CACNA2D3: variants seen among roughly 807,000 people sequenced by gnomAD.
CACNA2D3 encodes voltage-dependent calcium channel subunit alpha-2/delta-3.
CACNA2D3 carries 60 observed loss-of-function variants against 160.6 expected under a neutral mutation model. That is an observed-to-expected ratio of 0.37 (90% CI 0.30 to 0.46). The LOEUF (loss-of-function observed/expected upper bound fraction) is 0.46, where lower values mean the gene tolerates loss of function less well. Among genes scored for constraint, CACNA2D3 ranks in the 20% least tolerant of loss-of-function variants. The pLI, the probability that CACNA2D3 is intolerant of heterozygous loss-of-function variation, is 1.00. For missense variants in CACNA2D3, 1,205 were observed against 1,365.0 expected, an observed-to-expected ratio of 0.88 and a Z score of 1.85; for synonymous variants, 558 against 492.9, an observed-to-expected ratio of 1.13 and a Z score of -1.75.
chr3:54,812,704 A>G (rs1703350194), intron 13 of CACNA2D3, among the ~76,000 whole-genome samples: 1 of 152,106 alleles, frequency 6.6e-6, no homozygotes, highest in Non-Finnish European at 1.5e-5. Flanking sequence ...TTGTGCTGCT[A>G]TTGTGTGGTC....
At chr3:54,978,866 T>G (rs933677766) in intron 29 of CACNA2D3, among the ~76,000 whole-genome samples, 12 of 152,374 alleles carry the variant, frequency 7.9e-5, no homozygotes, top group African/African-American at 2.9e-4. Flanking sequence ...AGACTAGAAC[T>G]TAATAACAGG....
chr3:54,289,736 C>T (rs1455281865), intron 2 of CACNA2D3, among the ~76,000 whole-genome samples: 5 of 152,058 alleles, frequency 3.3e-5, no homozygotes, highest in African/African-American at 4.8e-5. Flanking sequence ...CAGAACAGAG[C>T]CCTCAGAAAT....
intron 4 of CACNA2D3, among the ~76,000 whole-genome samples, chr3:54,478,637 A>AT (rs1485632930): frequency 1.2e-3 from 11 of 9,158 alleles, no homozygotes; most frequent in Admixed American, 7.9e-3. Context: ...GTCTCAAAAA[A>AT]ATATATATAT....
intron 14 of CACNA2D3, among the ~76,000 whole-genome samples, chr3:54,826,723 TTAATTA>T (rs1175077184): frequency 6.6e-6 from 1 of 152,164 alleles, no homozygotes; most frequent in Non-Finnish European, 1.5e-5. Flanking sequence ...ATGATCATAA[TTAATTA>T]TAATTAACCA....
intron 11 of CACNA2D3, among the ~76,000 whole-genome samples, chr3:54,677,929 G>A (rs1018017220): frequency 5.9e-5 from 9 of 152,108 alleles, no homozygotes; most frequent in African/African-American, 2.2e-4. Flanking sequence ...GTTACCTTTA[G>A]AGTCCTGAGG....
At chr3:54,383,497 T>G (rs985201776) in intron 3 of CACNA2D3, among the ~76,000 whole-genome samples, 67 of 152,230 alleles carry the variant, frequency 4.4e-4, no homozygotes, top group African/African-American at 1.6e-3. Context: ...GCTGGTTGAT[T>G]GTCATTTCTT....
chr3:54,957,233 C>T (rs1278094645), intron 27 of CACNA2D3, among the ~76,000 whole-genome samples: 1 of 151,516 alleles, frequency 6.6e-6, no homozygotes, highest in Non-Finnish European at 1.5e-5. Context: ...AATCATAGCT[C>T]AATGCAGCCT....
At chr3:54,595,319 T>TGTGTGG (rs1364570785) in intron 9 of CACNA2D3, among the ~76,000 whole-genome samples, 7,842 of 129,096 alleles carry the variant, frequency 0.061, 713 homozygotes, top group African/African-American at 0.21. Context: ...GTGTGGTGTG[T>TGTGTGG]GTGTGTGTGT....
At chr3:54,263,140 G>T (rs1702435526) in intron 2 of CACNA2D3, among the ~76,000 whole-genome samples, 1 of 152,062 alleles carries the variant, frequency 6.6e-6, no homozygotes, top group South Asian at 2.1e-4. Context: ...ATCTATTATT[G>T]TGCAACTTGC....
chr3:54,489,652 T>C (rs894880036), intron 4 of CACNA2D3, among the ~76,000 whole-genome samples: 7 of 152,330 alleles, frequency 4.6e-5, no homozygotes, highest in Admixed American at 1.3e-4. Context: ...CTCAGTGTGC[T>C]GGAGTTAAAC....
intron 5 of CACNA2D3, among the ~76,000 whole-genome samples, chr3:54,554,919 G>A (rs1294827689): frequency 8.0e-6 from 1 of 125,782 alleles, no homozygotes; most frequent in Non-Finnish European, 1.6e-5. Flanking sequence ...CTGTCACCCA[G>A]TCTGGAGTCC....
At chr3:55,020,706 C>T (rs1037874009) in intron 35 of CACNA2D3, among the ~76,000 whole-genome samples, 3 of 151,822 alleles carry the variant, frequency 2.0e-5, no homozygotes, top group Admixed American at 6.6e-5. Context: ...CAAAAATTAG[C>T]CAGGCATGGT....
Position 54,660,661 on chromosome 3 carries a change from T to A in CACNA2D3, c.1167+18420T>A, listed in dbSNP as rs922436964. Among the ~76,000 whole-genome samples, 5 of 152,268 alleles carry A rather than the reference T, an allele frequency of 3.3e-5. No homozygotes were observed. In the East Asian group the frequency reaches 9.7e-4, roughly 30 times the overall value. On this transcript the variant is annotated intron_variant, in intron 11 of 37. Coordinates refer to ENST00000474759, the MANE Select transcript of CACNA2D3 (RefSeq NM_018398.3). ...AACAGATTATCTGCCCTACTTACCT[T>A]ACCTTAATCATTTCCATAAAAATAT...
In CACNA2D3 at chr3:54,780,552, T is replaced by C. The variant is rs116136503; in HGVS notation, c.1380+16201T>C. 8.1e-3 allele frequency among the ~76,000 whole-genome samples: 1,241 copies of C among 152,300 alleles called. 18 individuals are homozygous for C. The highest frequency in any genetic ancestry group is 0.028 in the African/African-American group (1,150 of 41,568). The stretch of plus-strand genomic sequence containing the variant: ...TGATTTAGGTGAACTCCAGAGAAAT[T>C]TGATACTGGGAGAGGCCAGGAAAAA... On this transcript the variant is annotated intron_variant, in intron 13 of 37. Coordinates refer to ENST00000474759, the MANE Select transcript of CACNA2D3 (RefSeq NM_018398.3).
intron 9 of CACNA2D3, among the ~76,000 whole-genome samples, chr3:54,592,173 C>G (rs1184171435): frequency 2.0e-5 from 3 of 152,160 alleles, no homozygotes; most frequent in African/African-American, 7.2e-5. Flanking sequence ...TAAATTATAA[C>G]AGCCTTTGAT....
intron 5 of CACNA2D3, among the ~76,000 whole-genome samples, chr3:54,514,764 A>G (rs1266401782): frequency 7.0e-6 from 1 of 143,096 alleles, no homozygotes; most frequent in African/African-American, 2.5e-5. Context: ...TAATTTAGCC[A>G]GGGGCTGGGG....
chr3:55,025,634 CAAAAAAA>C (rs10717273), intron 35 of CACNA2D3, among the ~76,000 whole-genome samples: 108 of 63,296 alleles, frequency 1.7e-3, no homozygotes, highest in African/African-American at 6.4e-3. Context: ...ACTCTATCTC[CAAAAAAA>C]AAAAAAAAAA....
intron 27 of CACNA2D3, among the ~76,000 whole-genome samples, 165 bp from the exon 28 acceptor site, chr3:54,968,285 A>G (rs895285288): frequency 6.6e-6 from 1 of 152,188 alleles, no homozygotes; most frequent in African/African-American, 2.4e-5. Context: ...AAACTTGAGA[A>G]TTCTTTACCT....
chr3:54,751,929 G>A (rs1701864418), intron 11 of CACNA2D3, among the ~76,000 whole-genome samples: 1 of 152,166 alleles, frequency 6.6e-6, no homozygotes, highest in African/African-American at 2.4e-5. Flanking sequence ...TGGCAGGTAG[G>A]TCATGCTTTG....
Sources: gnomAD v4.1 joint callset for allele counts (sites outside exome capture counted in the v4.1 genomes callset) on GRCh38, gnomAD v4.1.1 for gene constraint, MANE v1.5 for transcripts, NCBI Gene and HGNC (gene_info 2026-07-23, HGNC 2026-07-21) for gene names.